The following SPIN1 variants were observed in gnomAD, a reference collection of about 807,000 sequenced individuals.
The protein encoded by SPIN1 is spindlin-1.
In SPIN1, 3 loss-of-function variants were observed where a neutral mutation model predicts 26.0. The observed-to-expected ratio is 0.12, with a 90% confidence interval of 0.05 to 0.30. SPIN1 has a LOEUF of 0.30. Among genes scored for constraint, SPIN1 ranks in the 10% least tolerant of loss-of-function variants. The pLI, the probability that SPIN1 is intolerant of heterozygous loss-of-function variation, is 1.00. For missense variants in SPIN1, 126 were observed against 333.4 expected, an observed-to-expected ratio of 0.38 and a Z score of 4.84; for synonymous variants, 101 against 116.5, an observed-to-expected ratio of 0.87 and a Z score of 0.86.
rs757363030 is a variant in SPIN1, at chr9:88,441,398, C to CGCGTGTGTGTGTGTGTGTGT, written c.53-7542_53-7541insCGTGTGTGTGTGTGTGTGTG. On this transcript the variant is annotated intron_variant, in intron 2 of 5. Coordinates refer to ENST00000375859, the MANE Select transcript of SPIN1 (RefSeq NM_006717.3). ...TGGTTGTATCATCATTGCTGCCATT[C>CGCGTGTGTGTGTGTGTGTGT]GTGTGTGTGTGTGTGTGCGCGCGCG... Among the ~76,000 whole-genome samples the CGCGTGTGTGTGTGTGTGTGT allele has an allele frequency of 4.9e-3, 674 of 137,752 alleles. 12 individuals are homozygous for CGCGTGTGTGTGTGTGTGTGT. The highest frequency in any genetic ancestry group is 0.02 in the African/African-American group (621 of 30,990). The allele number at this position is 137,752 out of a possible 152,430, so 90.4% of individuals were successfully genotyped here. A position where few individuals can be genotyped will look rare whatever the true frequency, so the allele number is the denominator to read the frequency against.
chr9:88,393,054 G>GGAGA (rs1826965278), intron 1 of SPIN1, among the ~76,000 whole-genome samples: 1 of 151,612 alleles, frequency 6.6e-6, no homozygotes, highest in African/African-American at 2.4e-5. Context: ...AGTCTAGCCT[G>GGAGA]TTAGAGAAGC....
At chr9:88,406,260 G>C (rs1392203028) in intron 1 of SPIN1, among the ~76,000 whole-genome samples, 1 of 150,976 alleles carries the variant, frequency 6.6e-6, no homozygotes, top group Non-Finnish European at 1.5e-5. Context: ...CTTAAGTTTT[G>C]AAAGATTTTC....
chr9:88,422,442 A>G (rs1277481454), intron 1 of SPIN1, among the ~76,000 whole-genome samples: 1 of 152,188 alleles, frequency 6.6e-6, no homozygotes, highest in East Asian at 1.9e-4. Flanking sequence ...TTCCAGTCAA[A>G]GAAGAGTGGG....
chr9:88,423,627 C>T (rs1395287901), intron 1 of SPIN1, among the ~76,000 whole-genome samples: 2 of 151,530 alleles, frequency 1.3e-5, no homozygotes, highest in Admixed American at 1.3e-4. Context: ...TTAGTAGAGA[C>T]CGGGTCTCGA....
intron 1 of SPIN1, among the ~76,000 whole-genome samples, chr9:88,422,252 T>C (rs1827683978): frequency 6.6e-6 from 1 of 152,206 alleles, no homozygotes; most frequent in Admixed American, 6.5e-5. Context: ...TGACAATATT[T>C]TCCGTAACAC....
At chr9:88,447,046 A>G (rs772517235) in intron 2 of SPIN1, among the ~76,000 whole-genome samples, 1 of 151,762 alleles carries the variant, frequency 6.6e-6, no homozygotes, top group Non-Finnish European at 1.5e-5. Flanking sequence ...CCGCTTTCCT[A>G]TGTGTTAGGC....
At chr9:88,436,752 GTCTTTTTTTTT>G (rs1295197208) in intron 2 of SPIN1, among the ~76,000 whole-genome samples, 1 of 122,858 alleles carries the variant, frequency 8.1e-6, no homozygotes, top group African/African-American at 3.2e-5. Context: ...TTTCCTCTGT[GTCTTTTTTTTT>G]TTTTTTTTTT....
rs144107613 is a variant in SPIN1 at position 88,403,212 on chromosome 9, A to G, written c.-159+14674A>G. ...GTCCTTTGTCATGAATGGTTTGCAC[A>G]TATCATTTCCCATTCAACAGGTTGT... On this transcript the variant is annotated intron_variant, in intron 1 of 5. Transcript: ENST00000375859. 3.0e-3 allele frequency among the ~76,000 whole-genome samples: 452 copies of G among 152,290 alleles called. 2 individuals carry two copies. Among genetic ancestry groups the G allele is most frequent in the Middle Eastern group, 0.014 (4 of 294 alleles).
intron 3 of SPIN1, among the ~76,000 whole-genome samples, chr9:88,459,743 TC>T (rs1828540862): frequency 6.6e-6 from 1 of 152,218 alleles, no homozygotes; most frequent in Non-Finnish European, 1.5e-5. Flanking sequence ...CTCTGTGAGT[TC>T]CTTGATTATC....
At chr9:88,432,313 C>CCAAGTAGTGGAATTACA (rs915571647) in intron 2 of SPIN1, among the ~76,000 whole-genome samples, 1 of 151,558 alleles carries the variant, frequency 6.6e-6, no homozygotes, top group African/African-American at 2.4e-5. Context: ...TCTCAGCCTC[C>CCAAGTAGTGGAATTACA]CAAGTAGTGG....
chr9:88,440,862 A>G lies in SPIN1; in HGVS notation c.53-8079A>G, dbSNP rs1002498618. Among the ~76,000 whole-genome samples the G allele has an allele frequency of 5.3e-5, 8 of 151,700 alleles. 1 individual carries two copies. Among genetic ancestry groups the G allele is most frequent in the African/African-American group, 1.9e-4 (8 of 41,136 alleles). ...CCAAAGTGCTGGGATTACAGGCATG[A>G]CACCGCGCCTGGCCTCTTTCTTTCT... On this transcript the variant is annotated intron_variant, in intron 2 of 5. Transcript: ENST00000375859.
At chr9:88,434,748 C>T (rs1347719206) in intron 2 of SPIN1, among the ~76,000 whole-genome samples, 7 of 152,110 alleles carry the variant, frequency 4.6e-5, no homozygotes, top group Non-Finnish European at 1.0e-4. Flanking sequence ...TTCTACTCTT[C>T]TGCTCTTACA....
intron 2 of SPIN1, among the ~76,000 whole-genome samples, chr9:88,440,673 T>G (rs7873911): frequency 0.3 from 44,452 of 150,548 alleles, 11,778 homozygotes; most frequent in African/African-American, 0.71. Flanking sequence ...CCGCCACCCG[T>G]GTTCAAGCAG....
At chr9:88,393,677 G>A (rs1270534869) in intron 1 of SPIN1, among the ~76,000 whole-genome samples, 2 of 151,846 alleles carry the variant, frequency 1.3e-5, no homozygotes, top group East Asian at 1.9e-4. Flanking sequence ...GGATGGTCTC[G>A]ATCTCTTGAC....
At chr9:88,448,628 A>G (rs1005375751) in intron 2 of SPIN1, among the ~76,000 whole-genome samples, 4 of 152,094 alleles carry the variant, frequency 2.6e-5, no homozygotes, top group African/African-American at 4.8e-5. Flanking sequence ...GATTACAGGG[A>G]TGAGCCTCCA....
At chr9:88,443,742 C>T (rs536990849) in intron 2 of SPIN1, among the ~76,000 whole-genome samples, 4 of 152,116 alleles carry the variant, frequency 2.6e-5, no homozygotes, top group South Asian at 2.1e-4. Context: ...TATGATTGCC[C>T]GTCAATCTTT....
At chr9:88,418,961 T>C (rs1296439690) in intron 1 of SPIN1, 1 of 152,164 alleles carries the variant, frequency 6.6e-6, no homozygotes, top group Non-Finnish European at 1.5e-5. Flanking sequence ...GGTAAGTAGT[T>C]GGAGAATTTT....
At chr9:88,396,618 A>G (rs1048747786) in intron 1 of SPIN1, among the ~76,000 whole-genome samples, 3 of 152,054 alleles carry the variant, frequency 2.0e-5, no homozygotes, top group Admixed American at 1.3e-4. Context: ...CAAAACAGAA[A>G]AACTCTAAAT....
chr9:88,462,419 C>T (rs1564042436), intron 3 of SPIN1, 77 bp from the exon 4 acceptor site: 10 of 1,541,274 alleles, frequency 6.5e-6, no homozygotes, highest in South Asian at 1.3e-5. Context: ...TGAGATCATG[C>T]TAGCCAGCGG....
Sources: allele counts gnomAD v4.1 joint callset (sites outside exome capture counted in the v4.1 genomes callset), GRCh38; gene constraint gnomAD v4.1.1; transcripts MANE v1.5; gene names NCBI Gene and HGNC (gene_info 2026-07-23, HGNC 2026-07-21).